The following CFAP90 variants were observed in gnomAD, a reference collection of about 807,000 sequenced individuals.
The protein encoded by CFAP90 is cilia- and flagella-associated protein 90.
the CFAP90 span, chr5:7,831,072 G>A: frequency 2.0e-5 from 3 of 152,190 alleles, no homozygotes; most frequent in African/African-American, 7.2e-5. Flanking sequence ...ATGAGGAAAT[G>A]TCTGCTCATG....
chr5:7,848,815 A>G, the CFAP90 span, among the ~76,000 whole-genome samples: 11 of 152,180 alleles, frequency 7.2e-5, no homozygotes, highest in African/African-American at 2.7e-4. Flanking sequence ...TTCACTGTGC[A>G]CTCATTCCTC....
chr5:7,840,990 A>G, the CFAP90 span, among the ~76,000 whole-genome samples: 5 of 152,364 alleles, frequency 3.3e-5, no homozygotes, highest in East Asian at 9.6e-4. Flanking sequence ...AAAAATTGAC[A>G]TATAGTATCT....
the CFAP90 span, among the ~76,000 whole-genome samples, chr5:7,839,265 G>C: frequency 6.6e-6 from 1 of 152,154 alleles, no homozygotes; most frequent in Admixed American, 6.5e-5. Context: ...TATGAGATTT[G>C]GGTGGCGACA....
the CFAP90 span, among the ~76,000 whole-genome samples, chr5:7,832,543 C>A: frequency 6.6e-6 from 1 of 152,056 alleles, no homozygotes; most frequent in African/African-American, 2.4e-5. Context: ...GCTCTTGTCG[C>A]CCAGGCTGGA....
the CFAP90 span, chr5:7,835,301 G>T: frequency 1.3e-6 from 1 of 766,044 alleles, no homozygotes; most frequent in South Asian, 1.7e-5. Context: ...CTAATAAAGT[G>T]AAGTGTAATA....
chr5:7,833,617 A>G, the CFAP90 span, among the ~76,000 whole-genome samples: 4 of 152,222 alleles, frequency 2.6e-5, no homozygotes, highest in African/African-American at 9.7e-5. Flanking sequence ...ATCTGTACAT[A>G]CATGTACACA....
At chr5:7,839,597 G>T in the CFAP90 span, among the ~76,000 whole-genome samples, 10 of 152,318 alleles carry the variant, frequency 6.6e-5, no homozygotes, top group South Asian at 2.1e-3. Flanking sequence ...ACTTTACAGA[G>T]AAAATGCCTA....
the CFAP90 span, among the ~76,000 whole-genome samples, chr5:7,845,247 C>T: frequency 6.6e-6 from 1 of 152,184 alleles, no homozygotes; most frequent in Non-Finnish European, 1.5e-5. Flanking sequence ...CCTGCATCAA[C>T]ATGTGGGGGT....
At chr5:7,838,031 A>G in the CFAP90 span, among the ~76,000 whole-genome samples, 3 of 152,180 alleles carry the variant, frequency 2.0e-5, no homozygotes, top group Non-Finnish European at 4.4e-5. Context: ...CCTGGCCTTC[A>G]TGTCTCCTGA....
chr5:7,842,951 CT>C, the CFAP90 span, among the ~76,000 whole-genome samples: 2 of 152,172 alleles, frequency 1.3e-5, no homozygotes, highest in Non-Finnish European at 2.9e-5. Flanking sequence ...GCGGTTAAGA[CT>C]TTTTGGGTTT....
the CFAP90 span, among the ~76,000 whole-genome samples, chr5:7,850,576 C>T: frequency 7.0e-6 from 1 of 143,806 alleles, no homozygotes; most frequent in Admixed American, 6.8e-5. Flanking sequence ...CCCCAGGCTG[C>T]CTCCCCTAAG....
the CFAP90 span, among the ~76,000 whole-genome samples, chr5:7,845,150 C>T: frequency 2.0e-5 from 3 of 152,074 alleles, no homozygotes; most frequent in Non-Finnish European, 1.5e-5. Context: ...CACTTTTAAA[C>T]CATCAGATCT....
At chr5:7,837,531 G>A in the CFAP90 span, among the ~76,000 whole-genome samples, 1 of 152,178 alleles carries the variant, frequency 6.6e-6, no homozygotes, top group African/African-American at 2.4e-5. Context: ...TATACAGTAT[G>A]TTGGAAAATA....
the CFAP90 span, among the ~76,000 whole-genome samples, chr5:7,845,892 A>G: frequency 9.4e-6 from 1 of 106,118 alleles, no homozygotes; most frequent in South Asian, 2.7e-4. Flanking sequence ...GGCTCCCTGA[A>G]GGGAGCTGCT....
At chr5:7,838,851 T>C in the CFAP90 span, among the ~76,000 whole-genome samples, 2 of 152,206 alleles carry the variant, frequency 1.3e-5, no homozygotes, top group African/African-American at 2.4e-5. Flanking sequence ...CCTGAGAACC[T>C]TGTGGCAAAG....
At chr5:7,832,089 C>T in the CFAP90 span, 7 of 1,528,910 alleles carry the variant, frequency 4.6e-6, no homozygotes, top group South Asian at 3.6e-5. Flanking sequence ...ACAGCTCACC[C>T]GTGCATCCAT....
chr5:7,834,659 AT>A, the CFAP90 span, among the ~76,000 whole-genome samples: 1 of 152,112 alleles, frequency 6.6e-6, no homozygotes, highest in Non-Finnish European at 1.5e-5. Context: ...CAAGTGTATC[AT>A]TTTTATCTTT....
chr5:7,833,477 TAC>T, the CFAP90 span, among the ~76,000 whole-genome samples: 6 of 140,828 alleles, frequency 4.3e-5, no homozygotes, highest in Non-Finnish European at 7.6e-5. Context: ...CACACACATA[TAC>T]ACACATATAT....
chr5:7,851,124 G>T, the CFAP90 span: 1 of 1,206,010 alleles, frequency 8.3e-7, no homozygotes, highest in Non-Finnish European at 1.0e-6. Flanking sequence ...CCAGCGTCTA[G>T]CCCGCGTCTG....
Sources: allele counts gnomAD v4.1 joint callset (sites outside exome capture counted in the v4.1 genomes callset), GRCh38; gene constraint gnomAD v4.1.1; transcripts MANE v1.5; gene names NCBI Gene and HGNC (gene_info 2026-07-23, HGNC 2026-07-21).